Variants in FAM186A observed in about 807,000 individuals in gnomAD.
FAM186A encodes the protein family with sequence similarity 186 member A.
FAM186A carries 163 observed loss-of-function variants against 216.8 expected under a neutral mutation model. The ratio of observed to expected loss-of-function variants is 0.75; its 90% CI spans 0.66 to 0.86. The LOEUF is 0.86. FAM186A is among the 40% of genes least tolerant of loss of function. The pLI is 0.00. For missense variants in FAM186A, 2,184 were observed against 2,746.2 expected (o/e 0.80, Z 4.58); for synonymous variants, 805 against 1,025.3 (o/e 0.79, Z 4.10).
intron 1 of FAM186A, among the ~76,000 whole-genome samples, chr12:50,367,364 A>G (rs1943099625): frequency 6.6e-6 from 1 of 151,876 alleles, no homozygotes; most frequent in African/African-American, 2.4e-5. Context: ...TAAAAATACA[A>G]AAAAATAGCT....
intron 3 of FAM186A, among the ~76,000 whole-genome samples, chr12:50,359,324 G>A (rs1355142715): frequency 6.6e-6 from 1 of 152,032 alleles, no homozygotes; most frequent in African/African-American, 2.4e-5. Flanking sequence ...CTTGAACCCG[G>A]GAGGTGGAGG....
Position 50,352,577 on chromosome 12 carries a change from A to G in FAM186A, c.4255T>C (p.Leu1419=), listed in dbSNP as rs550883696. The G allele has an allele frequency of 1.2e-4, 171 of 1,381,230 alleles. 1 individual carries two copies. The highest frequency in any genetic ancestry group is 7.0e-4 in the East Asian group (21 of 30,060). 85.6% of individuals were successfully genotyped at this position (1,381,230 alleles called of 1,614,324 possible). A position where few individuals can be genotyped will look rare whatever the true frequency, so the allele number is the denominator to read the frequency against. The part of the protein sequence containing the change: ...IPLTPQQAQE[L]GIPFTPQQAQ... ...TGCTGAGGGGTGAAAGGGATCCCCA[A>G]TTCCTGAGCCTGCTGAGGGGTGAGA... Residue 1419 remains leucine (L), a synonymous_variant, in exon 4 of 8, where the codon TTG becomes CTG. Transcript: ENST00000327337.
At chr12:50,359,577 C>T (rs1383188240) in intron 3 of FAM186A, among the ~76,000 whole-genome samples, 2 of 151,958 alleles carry the variant, frequency 1.3e-5, no homozygotes, top group East Asian at 1.9e-4. Context: ...GCTATCTACC[C>T]CCCCAAAAAA....
chr12:50,372,313 G>A (rs192781770), intron 1 of FAM186A, among the ~76,000 whole-genome samples: 5 of 152,024 alleles, frequency 3.3e-5, no homozygotes, highest in African/African-American at 9.6e-5. Flanking sequence ...AAATAAATAC[G>A]CCAGGTGCAG....
chr12:50,354,152 T>G lies in FAM186A; in HGVS notation c.2680A>C (p.Lys894Gln). ...QEEEMWKEEQKQATPKQAEQE... is the reference protein window; with the variant it reads ...QEEEMWKEEQQQATPKQAEQE... ...TCAGCCTGCTTTGGAGTTGCCTGTT[T>G]TTGCTCTTCCTTCCACATCTCTTCT... The change falls in exon 4 of 8, where the codon AAA (lysine) becomes CAA (glutamine). Residue 894 changes from lysine to glutamine, a missense_variant. Transcript: ENST00000327337. 6.4e-7 allele frequency: 1 copy of G among 1,551,750 alleles called. No individual in the cohort carries two copies. Among genetic ancestry groups the G allele is most frequent in the Non-Finnish European group, 8.7e-7 (1 of 1,147,004 alleles).
chr12:50,382,822 T>G (rs1943265467), intron 1 of FAM186A, among the ~76,000 whole-genome samples: 1 of 152,218 alleles, frequency 6.6e-6, no homozygotes, highest in Non-Finnish European at 1.5e-5. Context: ...TCCTTCTACC[T>G]CTGCTCTTGA....
rs544668852 is a variant in FAM186A, at chr12:50,382,139, G to A, written c.192+14154C>T. Among the ~76,000 whole-genome samples the A allele has an allele frequency of 2.0e-5, 3 of 150,114 alleles. No individual in the cohort carries two copies. The Admixed American group carries it at 2.0e-4, about 10-fold the overall frequency. ...ACACTGGTCAGTTAACAGATGACAT[G>A]TTACTTGATGAGCAGTCACTTGATG... On this transcript the variant is annotated intron_variant, in intron 1 of 7. Transcript: ENST00000327337.
intron 1 of FAM186A, among the ~76,000 whole-genome samples, chr12:50,395,359 G>C (rs1448053817): frequency 6.6e-6 from 1 of 152,218 alleles, no homozygotes; most frequent in Non-Finnish European, 1.5e-5. Flanking sequence ...AAAGCATTGG[G>C]ATTACAGGCA....
At chr12:50,363,713 T>C (rs1290797865) in intron 1 of FAM186A, among the ~76,000 whole-genome samples, 1 of 149,418 alleles carries the variant, frequency 6.7e-6, no homozygotes, top group Admixed American at 6.7e-5. Context: ...ACACAGTTGA[T>C]GTGAAGTGTA....
chr12:50,356,281 A>AT (rs1461735173), intron 3 of FAM186A, 33 bp from the exon 4 acceptor site: 23 of 1,480,382 alleles, frequency 1.6e-5, no homozygotes, highest in Non-Finnish European at 2.1e-5. Flanking sequence ...GTGAGATGGC[A>AT]TTTTTTTCTT....
At chr12:50,383,290 G>GAGAA (rs1943271581) in intron 1 of FAM186A, among the ~76,000 whole-genome samples, 1 of 106,536 alleles carries the variant, frequency 9.4e-6, no homozygotes, top group East Asian at 2.8e-4. Context: ...GAGAGAGAGA[G>GAGAA]AGAGAAAGAA....
rs1429409783 is a variant in FAM186A at position 50,330,778 on chromosome 12, T to C, written c.6849-20A>G. The C allele has an allele frequency of 4.0e-6, 6 of 1,498,980 alleles. No individual in the cohort carries two copies. Among genetic ancestry groups the C allele is most frequent in the African/African-American group, 1.4e-5 (1 of 70,062 alleles). The allele number at this position is 1,498,980 out of a possible 1,614,324, so 92.9% of individuals were successfully genotyped here. A position where few individuals can be genotyped will look rare whatever the true frequency, so the allele number is the denominator to read the frequency against. On this transcript the variant is annotated intron_variant, in intron 6 of 7. Coordinates refer to ENST00000327337, the MANE Select transcript of FAM186A (RefSeq NM_001145475.3). ...TGTTGCCTACAGAATCAGCATAAATTGGGAACGCCAAATTCTCCTGAGCTC... is the reference window on the plus strand; with the variant it reads ...TGTTGCCTACAGAATCAGCATAAATCGGGAACGCCAAATTCTCCTGAGCTC...
chr12:50,362,570 C>CT, intron 2 of FAM186A, among the ~76,000 whole-genome samples: 2 of 151,208 alleles, frequency 1.3e-5, no homozygotes, highest in Middle Eastern at 6.9e-3. Context: ...ATGGTGAAAC[C>CT]TTGTCTCTAC....
chr12:50,356,977 T>C (rs1330191543), intron 3 of FAM186A, among the ~76,000 whole-genome samples: 1 of 151,664 alleles, frequency 6.6e-6, no homozygotes, highest in Non-Finnish European at 1.5e-5. Context: ...CAAGCCTGGG[T>C]AAAAGAGTGA....
intron 3 of FAM186A, among the ~76,000 whole-genome samples, chr12:50,356,647 G>A (rs1942980024): frequency 6.6e-6 from 1 of 152,134 alleles, no homozygotes; most frequent in Admixed American, 6.6e-5. Context: ...TTTAGGACAT[G>A]AACTCAGCTG....
At chr12:50,332,568 C>T (rs982334957) in intron 5 of FAM186A, among the ~76,000 whole-genome samples, 42 of 152,188 alleles carry the variant, frequency 2.8e-4, no homozygotes, top group African/African-American at 7.5e-4. Flanking sequence ...TCCCTGGCCC[C>T]AGACCCTTAT....
At chr12:50,349,437 C>T (rs1045137258) in intron 4 of FAM186A, among the ~76,000 whole-genome samples, 2 of 152,094 alleles carry the variant, frequency 1.3e-5, no homozygotes, top group Admixed American at 6.6e-5. Context: ...GATCCTCCCC[C>T]CTCAGACTTC....
chr12:50,332,473 C>T (rs1942665360), intron 5 of FAM186A, among the ~76,000 whole-genome samples: 1 of 152,186 alleles, frequency 6.6e-6, no homozygotes, highest in Non-Finnish European at 1.5e-5. Context: ...AGTATTCATT[C>T]ATATCTAACC....
Position 50,376,729 on chromosome 12 carries a change from CCTCT to C in FAM186A, c.193-13369_193-13366del, listed in dbSNP as rs1369758295. On this transcript the variant is annotated intron_variant, in intron 1 of 7. Coordinates refer to ENST00000327337, the MANE Select transcript of FAM186A (RefSeq NM_001145475.3). ...GCAATGTGGGTCAAACCTCCTTTTA[CCTCT>C]CTCTCTCTCTCTCTTTTTTTTTTTT... Among the ~76,000 whole-genome samples the C allele has an allele frequency of 5.9e-4, 83 of 140,626 alleles. 1 individual carries two copies. Among genetic ancestry groups the C allele is most frequent in the African/African-American group, 1.9e-3 (73 of 38,248 alleles). The allele number at this position is 140,626 out of a possible 152,430, so 92.3% of individuals were successfully genotyped here.
Sources: allele counts gnomAD v4.1 joint callset (sites outside exome capture counted in the v4.1 genomes callset), GRCh38; gene constraint gnomAD v4.1.1; transcripts MANE v1.5; gene names NCBI Gene and HGNC (gene_info 2026-07-23, HGNC 2026-07-21).